The following LRP1B variants were observed in gnomAD, a reference collection of about 807,000 sequenced individuals.
The protein encoded by LRP1B is low-density lipoprotein receptor-related protein 1B.
LRP1B carries 217 observed loss-of-function variants against 556.6 expected under a neutral mutation model. The ratio of observed to expected loss-of-function variants is 0.39; its 90% CI spans 0.35 to 0.44. The LOEUF is 0.44. Ranked by LOEUF, LRP1B falls within the 20% of genes least tolerant of loss-of-function variation. The probability of loss-of-function intolerance (pLI) is 1.00; values close to 1 mark genes in which losing one functional copy is unlikely to be tolerated. For missense variants in LRP1B, 5,053 were observed against 5,620.8 expected (o/e 0.90, Z 3.23); for synonymous variants, 2,047 against 1,865.8 (o/e 1.10, Z -2.50).
intron 25 of LRP1B, among the ~76,000 whole-genome samples, chr2:140,881,518 A>G (rs988960794): frequency 1.3e-5 from 2 of 152,124 alleles, no homozygotes; most frequent in Admixed American, 1.3e-4. Flanking sequence ...AAAGCCTATC[A>G]AATCATGACA....
chr2:140,781,887 T>A (rs924802325), intron 32 of LRP1B, among the ~76,000 whole-genome samples: 1 of 152,218 alleles, frequency 6.6e-6, no homozygotes, highest in Non-Finnish European at 1.5e-5. Flanking sequence ...CTTTTCCTTA[T>A]CGTTTCATTT....
intron 59 of LRP1B, among the ~76,000 whole-genome samples, chr2:140,480,781 A>G (rs1362263548): frequency 6.6e-6 from 1 of 152,190 alleles, no homozygotes; most frequent in African/African-American, 2.4e-5. Context: ...AAGAAAATAA[A>G]TGAAAGTATG....
At chr2:140,797,282 C>T (rs920048373) in intron 32 of LRP1B, among the ~76,000 whole-genome samples, 21 of 152,108 alleles carry the variant, frequency 1.4e-4, no homozygotes, top group Non-Finnish European at 1.6e-4. Flanking sequence ...TTACCAATTT[C>T]TCCACAGCTA....
At chr2:141,474,218 A>G (rs62166299) in intron 3 of LRP1B, among the ~76,000 whole-genome samples, 67,376 of 151,604 alleles carry the variant, frequency 0.44, 15,205 homozygotes, top group Non-Finnish European at 0.49. Flanking sequence ...CTTTCTGGAA[A>G]ATAAAAAAAA....
intron 1 of LRP1B, among the ~76,000 whole-genome samples, chr2:141,944,607 C>T (rs2105020968): frequency 6.6e-6 from 1 of 152,080 alleles, no homozygotes; most frequent in South Asian, 2.1e-4. Flanking sequence ...GAGTATAAAA[C>T]TGGTATAGAG....
rs969342805 is a variant in LRP1B, at chr2:141,375,321, A to G, written c.343+105075T>C. On this transcript the variant is annotated intron_variant, in intron 3 of 90. Transcript: ENST00000389484. ...CCTCAGAGCAGCTTACACTGTTTCA[A>G]GTGTTAGTGGGTCCTAGAGGTCTAA... Among the ~76,000 whole-genome samples, 6 of 152,156 alleles carry G rather than the reference A, an allele frequency of 3.9e-5. No homozygotes were observed. The East Asian group carries it at 5.8e-4, about 15-fold the overall frequency.
rs565396702 is a variant in LRP1B at position 140,469,827 on chromosome 2, C to T, written c.9625+5311G>A. On this transcript the variant is annotated intron_variant, in intron 60 of 90. Coordinates refer to ENST00000389484, the MANE Select transcript of LRP1B (RefSeq NM_018557.3). ...GCAGTCCCTGGAATTAGGTAGATCT[C>T]GGTTCAAATTTTGATTCTCCTGATT... 1.9e-4 allele frequency among the ~76,000 whole-genome samples: 29 copies of T among 152,254 alleles called. No individual in the cohort carries two copies. In the East Asian group the frequency reaches 3.5e-3, roughly 18 times the overall value.
At chr2:140,403,572 G>T (rs761552251) in intron 66 of LRP1B, among the ~76,000 whole-genome samples, 1 of 151,898 alleles carries the variant, frequency 6.6e-6, no homozygotes, top group Non-Finnish European at 1.5e-5. Context: ...GTCAGACAAA[G>T]ATAAAGAAAA....
chr2:140,899,872 G>A (rs1478855832), intron 23 of LRP1B, among the ~76,000 whole-genome samples: 1 of 152,030 alleles, frequency 6.6e-6, no homozygotes, highest in Non-Finnish European at 1.5e-5. Context: ...TTGAAGATTT[G>A]TTAGAAATAA....
At chr2:140,904,249 A>T (rs1251385107) in intron 22 of LRP1B, among the ~76,000 whole-genome samples, 1 of 152,114 alleles carries the variant, frequency 6.6e-6, no homozygotes, top group Non-Finnish European at 1.5e-5. Context: ...CCTTGAAGAA[A>T]ATGGCAGATA....
chr2:140,977,622 T>C (rs1317141564), intron 18 of LRP1B, among the ~76,000 whole-genome samples: 1 of 152,080 alleles, frequency 6.6e-6, no homozygotes, highest in Non-Finnish European at 1.5e-5. Flanking sequence ...TTGTTCTCCA[T>C]ACTGGTAAAA....
intron 43 of LRP1B, among the ~76,000 whole-genome samples, chr2:140,594,204 G>A (rs535810538): frequency 8.1e-4 from 123 of 152,084 alleles, no homozygotes; most frequent in African/African-American, 2.9e-3. Flanking sequence ...TCCCGACCTC[G>A]GGTGATCCAC....
rs761185214 is a variant in LRP1B, at chr2:141,055,222, C to T, written c.1446G>A (p.Met482Ile). The T allele has an allele frequency of 1.9e-6, 3 of 1,611,538 alleles. No individual in the cohort carries two copies. Among genetic ancestry groups the T allele is most frequent in the Non-Finnish European group, 2.5e-6 (3 of 1,178,608 alleles). Residue 482 changes from methionine to isoleucine, a missense_variant, in exon 10 of 91, where the codon ATG becomes ATA. Physicochemically the swap from Met to Ile is conservative, Grantham distance 10 (BLOSUM62 1). Transcript: ENST00000389484. ...SHACEVDPYG[M>I]PGGCSHICLL... ...GACAGATGTGTGAACAGCCCCCTGG[C>T]ATTCCATATGGATCGACTTCACATG...
chr2:140,532,709 A>C (rs1690753931), intron 47 of LRP1B, among the ~76,000 whole-genome samples: 1 of 150,860 alleles, frequency 6.6e-6, no homozygotes, highest in African/African-American at 2.4e-5. Flanking sequence ...TGTTTTTACC[A>C]CTCTCTTATA....
At chr2:141,684,502 T>C (rs1164003470) in intron 2 of LRP1B, among the ~76,000 whole-genome samples, 1 of 151,798 alleles carries the variant, frequency 6.6e-6, no homozygotes. Context: ...ATATGTAATA[T>C]AGATGATGGG....
At chr2:142,087,744 A>G (rs1706002286) in intron 1 of LRP1B, among the ~76,000 whole-genome samples, 1 of 152,062 alleles carries the variant, frequency 6.6e-6, no homozygotes, top group Non-Finnish European at 1.5e-5. Context: ...TGTAAATACC[A>G]CTGTACTGAA....
intron 32 of LRP1B, among the ~76,000 whole-genome samples, chr2:140,789,618 CTTTTTTTTTTTT>C (rs756120273): frequency 1.1e-4 from 8 of 71,766 alleles, no homozygotes; most frequent in South Asian, 5.2e-4. Context: ...GCTTTAAGGA[CTTTTTTTTTTTT>C]TTTTTTTTTT....
intron 1 of LRP1B, among the ~76,000 whole-genome samples, chr2:142,058,719 G>T (rs111497719): frequency 2.0e-5 from 3 of 151,982 alleles, no homozygotes; most frequent in African/African-American, 7.2e-5. Flanking sequence ...TGCTTTGCAC[G>T]TACTTGGTGT....
chr2:141,779,341 C>G (rs548152334), intron 2 of LRP1B, among the ~76,000 whole-genome samples: 8 of 151,582 alleles, frequency 5.3e-5, no homozygotes, highest in African/African-American at 1.7e-4. Flanking sequence ...TGATTTCCCT[C>G]TAGAAAGACT....
Sources: allele counts gnomAD v4.1 joint callset (sites outside exome capture counted in the v4.1 genomes callset), GRCh38; gene constraint gnomAD v4.1.1; transcripts MANE v1.5; gene names NCBI Gene and HGNC (gene_info 2026-07-23, HGNC 2026-07-21).